VEZT: variants seen among roughly 807,000 people sequenced by gnomAD.
VEZT encodes vezatin.
Under a neutral mutation model 79.9 loss-of-function variants are expected in VEZT, and 39 were observed. That is an observed-to-expected ratio of 0.49 (90% CI 0.38 to 0.64). VEZT has a LOEUF of 0.64. VEZT is among the 30% of genes least tolerant of loss of function. The pLI, the probability that VEZT is intolerant of heterozygous loss-of-function variation, is 0.00. For missense variants in VEZT, 837 were observed against 893.1 expected (o/e 0.94, Z 0.80); for synonymous variants, 325 against 327.6 (o/e 0.99, Z 0.09).
intron 2 of VEZT, among the ~76,000 whole-genome samples, chr12:95,255,536 A>T (rs2063326779): frequency 6.6e-6 from 1 of 152,128 alleles, no homozygotes; most frequent in Non-Finnish European, 1.5e-5. Context: ...GGTGCAAGCG[A>T]TTCTCCTGCC....
intron 1 of VEZT, among the ~76,000 whole-genome samples, chr12:95,231,258 G>A (rs1009781522): frequency 4.6e-5 from 7 of 152,102 alleles, no homozygotes; most frequent in African/African-American, 1.4e-4. Context: ...CTTTGAAGGC[G>A]TTTTTAAAAC....
At chr12:95,243,850 A>G (rs2061365100) in intron 1 of VEZT, 2 of 416,644 alleles carry the variant, frequency 4.8e-6, no homozygotes, top group Admixed American at 3.0e-5. Flanking sequence ...TTCCTGAAAG[A>G]GCAGGTTGTT....
At chr12:95,295,125 T>C (rs184363961) in intron 10 of VEZT, among the ~76,000 whole-genome samples, 1 of 152,260 alleles carries the variant, frequency 6.6e-6, no homozygotes, top group Admixed American at 6.5e-5. Context: ...AAGAAACATA[T>C]CTGCAACATC....
chr12:95,284,937 T>A (rs932386301), intron 8 of VEZT, among the ~76,000 whole-genome samples: 3 of 151,702 alleles, frequency 2.0e-5, no homozygotes, highest in Admixed American at 6.6e-5. Flanking sequence ...TACAAAAAAA[T>A]TAGCTAGGCA....
chr12:95,284,132 G>A (rs113310068), intron 8 of VEZT, among the ~76,000 whole-genome samples: 23 of 152,256 alleles, frequency 1.5e-4, no homozygotes, highest in Middle Eastern at 3.4e-3. Context: ...ATTATGCATA[G>A]GAAGTTTTTG....
At chr12:95,225,356 C>G (rs1474904286) in intron 1 of VEZT, among the ~76,000 whole-genome samples, 1 of 152,022 alleles carries the variant, frequency 6.6e-6, no homozygotes, top group Non-Finnish European at 1.5e-5. Context: ...AGATTGAGAC[C>G]TTCCTGGCTA....
chr12:95,218,578 T>G (rs1414702685), intron 1 of VEZT: 1 of 152,200 alleles, frequency 6.6e-6, no homozygotes, highest in Non-Finnish European at 1.5e-5. Flanking sequence ...TGATGCCATT[T>G]TTTTCCATCA....
intron 1 of VEZT, among the ~76,000 whole-genome samples, chr12:95,235,421 T>C (rs75346708): frequency 8.1e-5 from 7 of 86,918 alleles, no homozygotes; most frequent in Admixed American, 1.2e-4. Context: ...GAGGCTGACC[T>C]CCCCACCTCC....
chr12:95,243,529 TATAA>T (rs913304697), intron 1 of VEZT, among the ~76,000 whole-genome samples: 1 of 152,156 alleles, frequency 6.6e-6, no homozygotes, highest in Admixed American at 6.6e-5. Context: ...TTTGGCCTGT[TATAA>T]ATAAATAAAT....
At chr12:95,254,635 T>G (rs1045781450) in intron 2 of VEZT, among the ~76,000 whole-genome samples, 1 of 152,190 alleles carries the variant, frequency 6.6e-6, no homozygotes, top group Non-Finnish European at 1.5e-5. Context: ...TGAGCCACCA[T>G]GCCCGACCAA....
chr12:95,267,341 G>A (rs147146790), intron 5 of VEZT, among the ~76,000 whole-genome samples: 2 of 152,220 alleles, frequency 1.3e-5, no homozygotes, highest in Non-Finnish European at 2.9e-5. Flanking sequence ...TTCTAAACCC[G>A]GCTTGCAGTA....
chr12:95,226,098 TAAAAAAA>T (rs11309269), intron 1 of VEZT, among the ~76,000 whole-genome samples: 3 of 137,548 alleles, frequency 2.2e-5, no homozygotes, highest in Non-Finnish European at 4.7e-5. Flanking sequence ...TGCCTTTATT[TAAAAAAA>T]AAAAAAAAAA....
chr12:95,253,290 G>A (rs1206630487), intron 2 of VEZT, among the ~76,000 whole-genome samples: 2 of 152,172 alleles, frequency 1.3e-5, no homozygotes, highest in Non-Finnish European at 2.9e-5. Flanking sequence ...ATTGGCAGAA[G>A]GATCCTTTCC....
intron 8 of VEZT, among the ~76,000 whole-genome samples, chr12:95,285,027 A>C (rs886840735): frequency 4.8e-5 from 7 of 146,430 alleles, no homozygotes; most frequent in African/African-American, 1.8e-4. Context: ...TGGAGCTTTC[A>C]GTGAGCCAAG....
chr12:95,281,263 A>G (rs17344377), intron 7 of VEZT, among the ~76,000 whole-genome samples: 17,190 of 152,122 alleles, frequency 0.11, 1,273 homozygotes, highest in East Asian at 0.16. Context: ...CTGCATTTTA[A>G]AAAAAAGAAG....
At chr12:95,298,654 C>A (rs2074695644) in intron 11 of VEZT, among the ~76,000 whole-genome samples, 1 of 152,166 alleles carries the variant, frequency 6.6e-6, no homozygotes, top group Admixed American at 6.5e-5. Flanking sequence ...TCCTACCTGC[C>A]TCAAGGCTTA....
chr12:95,231,036 C>A (rs2059207001), intron 1 of VEZT, among the ~76,000 whole-genome samples: 1 of 152,080 alleles, frequency 6.6e-6, no homozygotes, highest in African/African-American at 2.4e-5. Flanking sequence ...TAGTATTGCA[C>A]TTGAGTATCT....
chr12:95,244,778 G>GTTT (rs57362837), intron 1 of VEZT, among the ~76,000 whole-genome samples: 29 of 140,912 alleles, frequency 2.1e-4, no homozygotes, highest in Admixed American at 1.4e-3. Context: ...TTTTTGGTGT[G>GTTT]TTTTTTTTTT....
intron 11 of VEZT, 146 bp from the exon 12 acceptor site, chr12:95,300,019 T>G (rs2074980599): frequency 2.1e-6 from 1 of 476,478 alleles, no homozygotes; most frequent in East Asian, 3.5e-5. Flanking sequence ...TTTATAAATT[T>G]TCATTGATTT....
Sources: gnomAD v4.1 joint callset for allele counts (sites outside exome capture counted in the v4.1 genomes callset) on GRCh38, gnomAD v4.1.1 for gene constraint, MANE v1.5 for transcripts, NCBI Gene and HGNC (gene_info 2026-07-23, HGNC 2026-07-21) for gene names.